The following HIRA variants were observed in gnomAD, a reference collection of about 807,000 sequenced individuals.
HIRA encodes the protein histone cell cycle regulator.
In HIRA, 13 loss-of-function variants were observed where a neutral mutation model predicts 126.6. The ratio of observed to expected loss-of-function variants is 0.10; its 90% CI spans 0.07 to 0.16. The LOEUF is 0.16. Ranked by LOEUF, HIRA falls within the 10% of genes least tolerant of loss-of-function variation. The pLI, the probability that HIRA is intolerant of heterozygous loss-of-function variation, is 1.00. For synonymous variants in HIRA, 511 were observed against 520.0 expected (o/e 0.98, Z 0.24); for missense variants, 834 against 1,314.4 (o/e 0.63, Z 5.65).
At chr22:19,421,149 A>C (rs555754612) in intron 1 of HIRA, among the ~76,000 whole-genome samples, 1 of 152,224 alleles carries the variant, frequency 6.6e-6, no homozygotes, top group South Asian at 2.1e-4. Flanking sequence ...AATACAAAAA[A>C]TTTATTGGGT....
rs150237834 is a variant in HIRA at position 19,359,341 on chromosome 22, G to T, written c.2229C>A (p.Gly743=). ...AAGGACCTGCCCACCCTTACCAGCT[G>T]CCCGCAGCAGTGAGGATCCGGCTGG... ...VLTSRILTAA[G]SCDVVCVACE... Residue 743 remains glycine, a synonymous_variant, in exon 18 of 25, where the codon GGC becomes GGA. Transcript: ENST00000263208. 1.6e-5 allele frequency: 26 copies of T among 1,585,424 alleles called. No individual in the cohort carries two copies. The African/African-American group carries it at 2.7e-4, about 16-fold the overall frequency.
At position 19,377,981 on chromosome 22, in the gene HIRA, G is replaced by A. The variant is rs780414863; in HGVS notation, c.1501C>T (p.Leu501=). ...GGGGTACTGGAGTCCAGTGGCAGTA[G>A]CTGTGGACTGCTATGAGAAGAGAGC... ...TMLSSHSSPQ[L]LPLDSSTPNS... Residue 501 remains leucine (L), a synonymous_variant, in exon 14 of 25, where the codon CTA becomes TTA. Transcript: ENST00000263208. 1.2e-6 allele frequency: 2 copies of A among 1,613,786 alleles called. No homozygotes were observed. The highest frequency in any genetic ancestry group is 2.2e-5 in the South Asian group (2 of 91,048).
rs1352491323 is a variant in HIRA at position 19,398,165 on chromosome 22, G to A, written c.398-78C>T. Reference sequence around the variant, plus strand: ...TCTATTAGCTTGGCCAGTGCCCCTGGGACCTGGGACCATCATAACCACTCT... The same window carrying A: ...TCTATTAGCTTGGCCAGTGCCCCTGAGACCTGGGACCATCATAACCACTCT... On this transcript the variant is annotated intron_variant, in intron 5 of 24. Coordinates refer to ENST00000263208, the MANE Select transcript of HIRA (RefSeq NM_003325.4). 4 of 1,023,860 alleles carry A rather than the reference G, an allele frequency of 3.9e-6. No individual in the cohort carries two copies. The African/African-American group carries it at 4.8e-5, about 12-fold the overall frequency. 63.4% of individuals were successfully genotyped at this position (1,023,860 alleles called of 1,614,324 possible).
rs782670370 is a variant in HIRA at position 19,356,261 on chromosome 22, C to T, written c.2424G>A (p.Val808=). The T allele has an allele frequency of 8.7e-6, 14 of 1,614,084 alleles. No homozygotes were observed. The highest frequency in any genetic ancestry group is 1.2e-5 in the Non-Finnish European group (14 of 1,179,964). Residue 808 remains valine, a synonymous_variant, in exon 20 of 25, where the codon GTG becomes GTA. Coordinates refer to ENST00000263208, the MANE Select transcript of HIRA (RefSeq NM_003325.4). ...GGATGGAGTGTAGAGACTCTTCTTT[C>T]ACCACAACCACCTGTCTGTGAACAT... ...VWDVHRQVVV[V]KEESLHSILA...
intron 24 of HIRA, among the ~76,000 whole-genome samples, chr22:19,339,035 A>G (rs1260814188): frequency 6.6e-6 from 1 of 152,248 alleles, no homozygotes; most frequent in Non-Finnish European, 1.5e-5. Context: ...ATTCTCCAAG[A>G]AAGACCATAT....
chr22:19,337,567 TA>T (rs1556006279), intron 24 of HIRA, among the ~76,000 whole-genome samples: 1 of 152,108 alleles, frequency 6.6e-6, no homozygotes, highest in Admixed American at 6.6e-5. Flanking sequence ...AAGAGAAATC[TA>T]AAAGTCTGAA....
intron 7 of HIRA, 56 bp downstream of exon 7, chr22:19,396,731 C>T: frequency 6.3e-7 from 1 of 1,581,990 alleles, no homozygotes; most frequent in Non-Finnish European, 8.6e-7. Flanking sequence ...ACACAGAAGT[C>T]AGGAAGAGGC....
intron 15 of HIRA, among the ~76,000 whole-genome samples, chr22:19,369,618 A>G (rs781696331): frequency 6.6e-6 from 1 of 152,034 alleles, no homozygotes; most frequent in Non-Finnish European, 1.5e-5. Flanking sequence ...TAACCACTGC[A>G]TGACACTGTG....
At chr22:19,400,901 C>T (rs1287448668) in intron 5 of HIRA, among the ~76,000 whole-genome samples, 4 of 152,158 alleles carry the variant, frequency 2.6e-5, no homozygotes, top group Non-Finnish European at 5.9e-5. Flanking sequence ...CACAGGCCAA[C>T]CATCAGCCCC....
In HIRA at chr22:19,394,519, G is replaced by A; in HGVS notation, c.655-10C>T. ...GGGTCGTTCCTCCACACTGAAAGAA[G>A]CATCTGCACTTGAAAGGAGCTCAAG... On this transcript the variant is annotated splice_polypyrimidine_tract_variant and intron_variant, in intron 7 of 24. Coordinates refer to ENST00000263208, the MANE Select transcript of HIRA (RefSeq NM_003325.4). The A allele has an allele frequency of 6.2e-7, 1 of 1,612,634 alleles. No homozygotes were observed. Among genetic ancestry groups the A allele is most frequent in the Non-Finnish European group, 8.5e-7 (1 of 1,178,992 alleles).
intron 24 of HIRA, among the ~76,000 whole-genome samples, chr22:19,350,585 A>G (rs782360137): frequency 3.3e-5 from 5 of 152,070 alleles, no homozygotes; most frequent in African/African-American, 7.2e-5. Flanking sequence ...CTCCATGGCC[A>G]CCACACTGAT....
At chr22:19,387,593 T>A in intron 11 of HIRA, 118 bp downstream of exon 11, 2 of 654,954 alleles carry the variant, frequency 3.1e-6, no homozygotes, top group Non-Finnish European at 5.4e-6. Flanking sequence ...CCCCATTACA[T>A]GTTAAGAAAT....
rs776583085 is a variant in HIRA, at chr22:19,431,433, C to A, written c.37+7G>T. 1.3e-5 allele frequency: 21 copies of A among 1,608,742 alleles called. No individual in the cohort carries two copies. Among genetic ancestry groups the A allele is most frequent in the Non-Finnish European group, 1.8e-5 (21 of 1,178,760 alleles). ...CTCGGCCTCCCGCGACCCCTGCGCGCACTCACCATTGTGGTTGACCCAGGT... is the reference window on the plus strand; with the variant it reads ...CTCGGCCTCCCGCGACCCCTGCGCGAACTCACCATTGTGGTTGACCCAGGT... On this transcript the variant is annotated splice_region_variant and intron_variant, in intron 1 of 24. Coordinates refer to ENST00000263208, the MANE Select transcript of HIRA (RefSeq NM_003325.4).
chr22:19,356,478 C>T (rs1469529738), intron 19 of HIRA, among the ~76,000 whole-genome samples, 190 bp from the exon 20 acceptor site: 1 of 152,186 alleles, frequency 6.6e-6, no homozygotes, highest in African/African-American at 2.4e-5. Context: ...ATTAAGGCTG[C>T]AGCACAAAGC....
At chr22:19,428,237 G>A (rs2089503629) in intron 1 of HIRA, among the ~76,000 whole-genome samples, 1 of 152,208 alleles carries the variant, frequency 6.6e-6, no homozygotes, top group African/African-American at 2.4e-5. Flanking sequence ...GATAACCTTA[G>A]ACAAGTGCTT....
chr22:19,333,538 GTTTGACTAA>G (rs1243535797), intron 24 of HIRA, among the ~76,000 whole-genome samples: 1 of 152,156 alleles, frequency 6.6e-6, no homozygotes, highest in Non-Finnish European at 1.5e-5. Context: ...CTTTCCCACA[GTTTGACTAA>G]TGTGTCTCAG....
At chr22:19,407,158 T>C in intron 4 of HIRA, 26 bp downstream of exon 4, 3 of 1,575,818 alleles carry the variant, frequency 1.9e-6, no homozygotes, top group Non-Finnish European at 2.6e-6. Context: ...AAAAATAAAA[T>C]GTGAAGAAAG....
Position 19,353,959 on chromosome 22 carries a change from G to T in HIRA, c.2684+37C>A, listed in dbSNP as rs544947178. On this transcript the variant is annotated intron_variant, in intron 22 of 24. Coordinates refer to ENST00000263208, the MANE Select transcript of HIRA (RefSeq NM_003325.4). ...TGACCCAGGCACTTCCCCAGGGCAG[G>T]ACTAAGGACAGTGGCCATGGCATTC... 5 of 1,608,096 alleles carry T rather than the reference G, an allele frequency of 3.1e-6. No homozygotes were observed. In the South Asian group the frequency reaches 5.6e-5, roughly 18 times the overall value.
intron 24 of HIRA, among the ~76,000 whole-genome samples, chr22:19,342,223 C>A (rs1445585340): frequency 6.6e-6 from 1 of 152,034 alleles, no homozygotes; most frequent in South Asian, 2.1e-4. Context: ...CACTAATTAT[C>A]AGGGAAATGC....
Sources: gnomAD v4.1 joint callset for allele counts (sites outside exome capture counted in the v4.1 genomes callset) on GRCh38, gnomAD v4.1.1 for gene constraint, MANE v1.5 for transcripts, NCBI Gene and HGNC (gene_info 2026-07-23, HGNC 2026-07-21) for gene names.